Variants in SAMD5 observed in about 807,000 individuals in gnomAD.
The protein encoded by SAMD5 is sterile alpha motif domain-containing protein 5.
A neutral mutation model predicts 11.3 loss-of-function variants in SAMD5; 13 were observed. The ratio of observed to expected loss-of-function variants is 1.15; its 90% CI spans 0.75 to 1.83. SAMD5 has a LOEUF of 1.83. Ranked by LOEUF, SAMD5 falls within the 40% of genes most tolerant of loss-of-function variation. The pLI, the probability that SAMD5 is intolerant of heterozygous loss-of-function variation, is 0.00. For synonymous variants in SAMD5, 129 were observed against 111.3 expected (o/e 1.16, Z -1.00); for missense variants, 255 against 239.1 (o/e 1.07, Z -0.44).
At chr6:147,528,886 C>T (rs1788385986) in intron 1 of SAMD5, among the ~76,000 whole-genome samples, 1 of 152,188 alleles carries the variant, frequency 6.6e-6, no homozygotes. Flanking sequence ...ACCCCCTAAA[C>T]AAGGGCCAAA....
At chr6:147,556,266 G>T (rs1443119722) in intron 1 of SAMD5, among the ~76,000 whole-genome samples, 3 of 151,754 alleles carry the variant, frequency 2.0e-5, no homozygotes, top group Non-Finnish European at 4.4e-5. Context: ...CTAATTTTTT[G>T]TATCTTTAGT....
At chr6:147,721,814 T>C (rs1791556272) in intron 1 of SAMD5, among the ~76,000 whole-genome samples, 1 of 152,188 alleles carries the variant, frequency 6.6e-6, no homozygotes, top group Non-Finnish European at 1.5e-5. Context: ...AATTGCACCA[T>C]TTCCTCAATA....
the SAMD5 span, among the ~76,000 whole-genome samples, chr6:147,755,838 G>A: frequency 6.3e-4 from 96 of 151,954 alleles, no homozygotes; most frequent in African/African-American, 2.1e-3. Context: ...GTAAAAAGGG[G>A]GCTAATATAA....
the SAMD5 span, among the ~76,000 whole-genome samples, chr6:147,893,481 T>C: frequency 1.3e-5 from 2 of 152,142 alleles, no homozygotes; most frequent in African/African-American, 2.4e-5. Context: ...AAGAATATAA[T>C]GTACAGGATT....
chr6:147,726,209 C>T (rs994171489), intron 1 of SAMD5, among the ~76,000 whole-genome samples: 3 of 152,122 alleles, frequency 2.0e-5, no homozygotes, highest in African/African-American at 7.2e-5. Flanking sequence ...TCTTCTGTCC[C>T]CTAACTACCA....
chr6:147,773,426 A>C, the SAMD5 span, among the ~76,000 whole-genome samples: 1 of 152,324 alleles, frequency 6.6e-6, no homozygotes, highest in South Asian at 2.1e-4. Context: ...AGTGTGGGGA[A>C]GTGTCATAGT....
At chr6:147,922,915 T>C in the SAMD5 span, among the ~76,000 whole-genome samples, 1 of 152,192 alleles carries the variant, frequency 6.6e-6, no homozygotes, top group Non-Finnish European at 1.5e-5. Context: ...AGCTGTTTCA[T>C]GTGACATCTT....
chr6:147,701,181 C>T (rs1187383343), intron 1 of SAMD5, among the ~76,000 whole-genome samples: 2 of 152,068 alleles, frequency 1.3e-5, no homozygotes, highest in African/African-American at 2.4e-5. Flanking sequence ...TCAACATCCT[C>T]ACTAAAGGGT....
chr6:147,929,580 T>C, the SAMD5 span, among the ~76,000 whole-genome samples: 1 of 152,190 alleles, frequency 6.6e-6, no homozygotes, highest in Non-Finnish European at 1.5e-5. Context: ...TAAAATAATA[T>C]GCATTGCAAT....
intron 1 of SAMD5, among the ~76,000 whole-genome samples, chr6:147,575,318 G>A (rs1346576932): frequency 6.6e-6 from 1 of 152,206 alleles, no homozygotes; most frequent in Non-Finnish European, 1.5e-5. Flanking sequence ...TTTATATGCT[G>A]GAACTTTCTT....
chr6:147,911,949 A>C, the SAMD5 span, among the ~76,000 whole-genome samples: 1 of 152,168 alleles, frequency 6.6e-6, no homozygotes, highest in African/African-American at 2.4e-5. Context: ...ATATGTCTCT[A>C]GCCATTCATC....
the SAMD5 span, among the ~76,000 whole-genome samples, chr6:147,882,656 T>C: frequency 6.6e-6 from 1 of 152,226 alleles, no homozygotes; most frequent in Admixed American, 6.5e-5. Flanking sequence ...AAGCCACTCA[T>C]TGTGTTGATA....
At chr6:147,584,501 C>A (rs920645517) in intron 1 of SAMD5, among the ~76,000 whole-genome samples, 1 of 152,186 alleles carries the variant, frequency 6.6e-6, no homozygotes, top group Admixed American at 6.5e-5. Context: ...TGTCCTCCCC[C>A]AGCTTCCCAA....
the SAMD5 span, among the ~76,000 whole-genome samples, chr6:147,897,943 TAAAAAAAAAAAAAAAAA>T: frequency 8.6e-3 from 767 of 89,636 alleles, 12 homozygotes; most frequent in African/African-American, 0.031. Flanking sequence ...AGATTTTTCT[TAAAAAAAAAAAAAAAAA>T]AAAAAAAAAA....
At chr6:147,533,480 AGAAAG>A (rs1788461899) in intron 1 of SAMD5, among the ~76,000 whole-genome samples, 1 of 147,766 alleles carries the variant, frequency 6.8e-6, no homozygotes, top group Admixed American at 6.7e-5. Flanking sequence ...AAAAAAAAAA[AGAAAG>A]AAAGAAAAGA....
intron 1 of SAMD5, among the ~76,000 whole-genome samples, chr6:147,717,561 G>A (rs1366110289): frequency 6.6e-6 from 1 of 152,202 alleles, no homozygotes; most frequent in Non-Finnish European, 1.5e-5. Context: ...GACCCCGCGT[G>A]TCCATTCTCC....
At chr6:147,642,060 T>C (rs1355784506) in intron 1 of SAMD5, among the ~76,000 whole-genome samples, 1 of 152,216 alleles carries the variant, frequency 6.6e-6, no homozygotes, top group Non-Finnish European at 1.5e-5. Flanking sequence ...GTTAAAACTT[T>C]CTCTTTTGTT....
At chr6:147,651,485 G>A (rs1178918018) in intron 1 of SAMD5, among the ~76,000 whole-genome samples, 1 of 152,156 alleles carries the variant, frequency 6.6e-6, no homozygotes, top group Non-Finnish European at 1.5e-5. Context: ...GGCCTTTGGG[G>A]AGGTTGATTA....
chr6:147,898,626 T>C, the SAMD5 span, among the ~76,000 whole-genome samples: 1 of 152,208 alleles, frequency 6.6e-6, no homozygotes, highest in Non-Finnish European at 1.5e-5. Flanking sequence ...ATCTCCAAGA[T>C]CTCTTTTTGA....
Sources: gnomAD v4.1 joint callset for allele counts (sites outside exome capture counted in the v4.1 genomes callset) on GRCh38, gnomAD v4.1.1 for gene constraint, MANE v1.5 for transcripts, NCBI Gene and HGNC (gene_info 2026-07-23, HGNC 2026-07-21) for gene names.